The following CTNND2 variants were observed in gnomAD, a reference collection of about 807,000 sequenced individuals.
The protein encoded by CTNND2 is catenin delta-2.
A neutral mutation model predicts 144.4 loss-of-function variants in CTNND2; 22 were observed. The observed-to-expected ratio is 0.15, with a 90% CI of 0.11 to 0.22. CTNND2 has a LOEUF of 0.22. CTNND2 is among the 10% of genes least tolerant of loss of function. The probability of loss-of-function intolerance (pLI) is 1.00; values close to 1 mark genes in which losing one functional copy is unlikely to be tolerated. For synonymous variants in CTNND2, 751 were observed against 695.6 expected (o/e 1.08, Z -1.25); for missense variants, 1,353 against 1,618.8 (o/e 0.84, Z 2.82).
intron 9 of CTNND2, among the ~76,000 whole-genome samples, chr5:11,315,961 C>G (rs1021083566): frequency 1.3e-5 from 2 of 152,122 alleles, no homozygotes; most frequent in African/African-American, 4.8e-5. Flanking sequence ...TTGGCCATTA[C>G]CAACCTGGAT....
intron 2 of CTNND2, among the ~76,000 whole-genome samples, chr5:11,709,145 G>A (rs1426068306): frequency 6.6e-6 from 1 of 152,176 alleles, no homozygotes; most frequent in Non-Finnish European, 1.5e-5. Context: ...GCGTTTATGT[G>A]TCAGAGCTAT....
intron 3 of CTNND2, among the ~76,000 whole-genome samples, chr5:11,532,953 A>T (rs1235845049): frequency 1.3e-5 from 2 of 152,210 alleles, no homozygotes; most frequent in African/African-American, 4.8e-5. Flanking sequence ...TATGCAATTC[A>T]GAGGAGAATG....
At position 11,219,048 on chromosome 5, in the gene CTNND2, C is replaced by T. The variant is rs1191515776; in HGVS notation, c.1761+17643G>A. On this transcript the variant is annotated intron_variant, in intron 10 of 21. Transcript: ENST00000304623. ...CCATTCCTTTCTCTCTCTGAGCAGCCTCCAGTTCTTTAGTATGATGGCCAG... is the reference window on the plus strand; with the variant it reads ...CCATTCCTTTCTCTCTCTGAGCAGCTTCCAGTTCTTTAGTATGATGGCCAG... 2.0e-5 allele frequency among the ~76,000 whole-genome samples: 3 copies of T among 152,162 alleles called. No homozygotes were observed. The East Asian group carries it at 5.8e-4, about 29-fold the overall frequency.
Position 11,175,228 on chromosome 5 carries a change from G to C in CTNND2, c.1976-15469C>G, listed in dbSNP as rs565771825. Among the ~76,000 whole-genome samples the C allele has an allele frequency of 2.6e-5, 4 of 152,052 alleles. No individual in the cohort carries two copies. The South Asian group carries it at 8.3e-4, about 32-fold the overall frequency. On this transcript the variant is annotated intron_variant, in intron 11 of 21. Transcript: ENST00000304623. ...TTATCAAATCTTAGGTTCAGAAAAA[G>C]TGCATGTTTTTGGTATATATTCTCA...
chr5:10,984,574 T>C (rs181665517), intron 20 of CTNND2, among the ~76,000 whole-genome samples: 2 of 152,298 alleles, frequency 1.3e-5, no homozygotes, highest in Admixed American at 6.5e-5. Context: ...TACTGGAAGT[T>C]CTTTCCCCTC....
At chr5:11,859,812 C>T (rs888088646) in intron 1 of CTNND2, among the ~76,000 whole-genome samples, 1 of 152,060 alleles carries the variant, frequency 6.6e-6, no homozygotes, top group South Asian at 2.1e-4. Flanking sequence ...ATCAGAGTCC[C>T]CATAAAACTC....
chr5:11,390,529 CTCA>C (rs1354634320), intron 6 of CTNND2, among the ~76,000 whole-genome samples: 6 of 152,226 alleles, frequency 3.9e-5, no homozygotes, highest in Non-Finnish European at 7.3e-5. Flanking sequence ...ATCTTGACTT[CTCA>C]TCATGAGTAA....
At chr5:11,774,158 T>G (rs1213356210) in intron 1 of CTNND2, among the ~76,000 whole-genome samples, 3 of 151,922 alleles carry the variant, frequency 2.0e-5, no homozygotes, top group Non-Finnish European at 4.4e-5. Flanking sequence ...AAAGAAAAAC[T>G]CATTGAGATA....
chr5:11,383,652 C>A (rs934333989), intron 7 of CTNND2, among the ~76,000 whole-genome samples: 1 of 152,196 alleles, frequency 6.6e-6, no homozygotes, highest in South Asian at 2.1e-4. Flanking sequence ...ATGCATGCAA[C>A]AAGCTCCTTT....
At chr5:11,675,644 T>G (rs1784136330) in intron 2 of CTNND2, among the ~76,000 whole-genome samples, 1 of 152,154 alleles carries the variant, frequency 6.6e-6, no homozygotes, top group Non-Finnish European at 1.5e-5. Context: ...GTAGCAACAT[T>G]TTTTTGGAAT....
chr5:11,520,358 G>A (rs1772615173), intron 3 of CTNND2, among the ~76,000 whole-genome samples: 1 of 152,056 alleles, frequency 6.6e-6, no homozygotes, highest in African/African-American at 2.4e-5. Context: ...CTAGATTAAA[G>A]AGAAAGGCCT....
intron 1 of CTNND2, among the ~76,000 whole-genome samples, chr5:11,742,983 C>T (rs1232390511): frequency 2.0e-5 from 3 of 152,210 alleles, no homozygotes; most frequent in Admixed American, 2.0e-4. Context: ...ATGTCATTCT[C>T]ACTCAGAAGT....
chr5:11,316,948 C>T (rs1361072531), intron 9 of CTNND2, among the ~76,000 whole-genome samples: 1 of 151,932 alleles, frequency 6.6e-6, no homozygotes, highest in Non-Finnish European at 1.5e-5. Context: ...CCAGAATCTA[C>T]AATGAACTCA....
intron 3 of CTNND2, among the ~76,000 whole-genome samples, chr5:11,472,692 C>T (rs1036256818): frequency 6.6e-6 from 1 of 152,158 alleles, no homozygotes; most frequent in Non-Finnish European, 1.5e-5. Context: ...TATGATTAAA[C>T]TTTGTAAAAG....
intron 1 of CTNND2, among the ~76,000 whole-genome samples, chr5:11,898,693 TC>T (rs1391082881): frequency 6.6e-6 from 1 of 152,142 alleles, no homozygotes; most frequent in Non-Finnish European, 1.5e-5. Context: ...CTTACTTTGA[TC>T]CAAAAAAACA....
chr5:11,854,971 G>A (rs551930515), intron 1 of CTNND2, among the ~76,000 whole-genome samples: 28 of 152,176 alleles, frequency 1.8e-4, no homozygotes, highest in Non-Finnish European at 3.4e-4. Flanking sequence ...TTTGTGGTGC[G>A]CTGTCATTTT....
chr5:11,594,243 A>G (rs939286616), intron 2 of CTNND2, among the ~76,000 whole-genome samples: 18 of 152,246 alleles, frequency 1.2e-4, no homozygotes, highest in African/African-American at 4.3e-4. Flanking sequence ...CAGGCACACT[A>G]TTATGACTGA....
intron 14 of CTNND2, among the ~76,000 whole-genome samples, chr5:11,101,422 T>G (rs1164666751): frequency 6.6e-6 from 1 of 152,236 alleles, no homozygotes; most frequent in Non-Finnish European, 1.5e-5. Context: ...ATTCTGCACA[T>G]GCAAACTTTT....
chr5:11,559,009 T>C (rs74820647), intron 3 of CTNND2, among the ~76,000 whole-genome samples: 5,241 of 152,170 alleles, frequency 0.034, 172 homozygotes, highest in Non-Finnish European at 0.042. Context: ...TGCAAAACCA[T>C]TGCAGAGGAG....
Sources: gnomAD v4.1 joint callset for allele counts (sites outside exome capture counted in the v4.1 genomes callset) on GRCh38, gnomAD v4.1.1 for gene constraint, MANE v1.5 for transcripts, NCBI Gene and HGNC (gene_info 2026-07-23, HGNC 2026-07-21) for gene names.